KIF6: variants seen among roughly 807,000 people sequenced by gnomAD.
The protein encoded by KIF6 is kinesin-like protein KIF6.
In KIF6, 106 loss-of-function variants were observed where a neutral mutation model predicts 112.7. The observed-to-expected ratio is 0.94, with a 90% CI of 0.80 to 1.11. The LOEUF (loss-of-function observed/expected upper bound fraction) is 1.11, where lower values mean the gene tolerates loss of function less well. Ranked by LOEUF, KIF6 falls within the 50% of genes least tolerant of loss-of-function variation. The pLI is 0.00. For synonymous variants in KIF6, 339 were observed against 339.9 expected, an observed-to-expected ratio of 1.00 and a Z score of 0.03; for missense variants, 929 against 964.0, an observed-to-expected ratio of 0.96 and a Z score of 0.48.
chr6:39,666,352 G>A (rs1473121812), intron 3 of KIF6, among the ~76,000 whole-genome samples: 1 of 152,088 alleles, frequency 6.6e-6, no homozygotes, highest in Non-Finnish European at 1.5e-5. Flanking sequence ...ACATAAACAA[G>A]CATATCAGTT....
chr6:39,435,108 C>T (rs1771432866), intron 13 of KIF6, among the ~76,000 whole-genome samples: 1 of 152,116 alleles, frequency 6.6e-6, no homozygotes, highest in Non-Finnish European at 1.5e-5. Context: ...GTCATTGCGG[C>T]TCTTAGATCA....
chr6:39,442,639 T>C (rs1233360015), intron 13 of KIF6, among the ~76,000 whole-genome samples: 1 of 152,180 alleles, frequency 6.6e-6, no homozygotes, highest in African/African-American at 2.4e-5. Context: ...TATTGAGTCT[T>C]TTCTATTGAT....
chr6:39,590,409 A>G (rs1391741133), intron 7 of KIF6, among the ~76,000 whole-genome samples: 2 of 128,386 alleles, frequency 1.6e-5, no homozygotes, highest in Admixed American at 9.0e-5. Context: ...ATATATATAT[A>G]TGTGTGTGTA....
At chr6:39,705,250 G>A (rs1016803494) in intron 3 of KIF6, among the ~76,000 whole-genome samples, 1 of 152,170 alleles carries the variant, frequency 6.6e-6, no homozygotes, top group African/African-American at 2.4e-5. Context: ...TCTGGGTGAG[G>A]CCTGAGAATG....
At chr6:39,696,242 C>T (rs1014655123) in intron 3 of KIF6, among the ~76,000 whole-genome samples, 1 of 152,114 alleles carries the variant, frequency 6.6e-6, no homozygotes, top group Non-Finnish European at 1.5e-5. Flanking sequence ...ACCTCAGAAC[C>T]ACGTAATATA....
chr6:39,718,540 T>A (rs1309202519), intron 2 of KIF6: 1 of 148,778 alleles, frequency 6.7e-6, no homozygotes, highest in East Asian at 2.0e-4. Context: ...AGCCCAGGAG[T>A]TCAAGACCAG....
At chr6:39,435,383 T>A (rs997283465) in intron 13 of KIF6, among the ~76,000 whole-genome samples, 67 of 152,180 alleles carry the variant, frequency 4.4e-4, no homozygotes, top group African/African-American at 1.3e-3. Context: ...TTTAAAAAAA[T>A]TTTTTTATTT....
At chr6:39,338,944 A>AGGGG (rs1554195424) in intron 22 of KIF6, among the ~76,000 whole-genome samples, 1 of 4,796 alleles carries the variant, frequency 2.1e-4, no homozygotes, top group African/African-American at 1.1e-3. Context: ...CAGTAATGAC[A>AGGGG]GGGGGTGGGT....
chr6:39,413,321 T>C (rs1378739475), intron 15 of KIF6, among the ~76,000 whole-genome samples: 1 of 152,172 alleles, frequency 6.6e-6, no homozygotes, highest in Non-Finnish European at 1.5e-5. Context: ...CATAGATAAA[T>C]TTCTGTAAGG....
chr6:39,579,537 T>C (rs534673581), intron 9 of KIF6, among the ~76,000 whole-genome samples: 3 of 152,274 alleles, frequency 2.0e-5, no homozygotes, highest in East Asian at 1.9e-4. Context: ...TTTTTCACTT[T>C]GCAGTGTTCT....
intron 13 of KIF6, among the ~76,000 whole-genome samples, chr6:39,457,652 G>T (rs1035270316): frequency 2.2e-4 from 34 of 151,864 alleles, no homozygotes; most frequent in South Asian, 8.3e-4. Context: ...AAAGAGAGAA[G>T]AATCAAATAG....
intron 13 of KIF6, among the ~76,000 whole-genome samples, chr6:39,503,284 T>C (rs1210966882): frequency 6.6e-6 from 1 of 152,172 alleles, no homozygotes; most frequent in Non-Finnish European, 1.5e-5. Flanking sequence ...AGAAGTTCTT[T>C]GAAACTAATG....
At chr6:39,376,011 C>T (rs994171332) in intron 16 of KIF6, among the ~76,000 whole-genome samples, 2 of 152,158 alleles carry the variant, frequency 1.3e-5, no homozygotes, top group Admixed American at 1.3e-4. Context: ...GTGCAGGCTC[C>T]TCCTCACTCC....
chr6:39,555,357 A>G (rs570707270), intron 10 of KIF6, among the ~76,000 whole-genome samples: 2 of 152,024 alleles, frequency 1.3e-5, no homozygotes, highest in South Asian at 4.2e-4. Flanking sequence ...ATGGCAGGGG[A>G]ACTGGATGCT....
At chr6:39,706,803 A>G (rs1789238006) in intron 3 of KIF6, among the ~76,000 whole-genome samples, 3 of 152,326 alleles carry the variant, frequency 2.0e-5, no homozygotes, top group South Asian at 2.1e-4. Context: ...ACAAAATGTC[A>G]CTGGTGTTTT....
intron 2 of KIF6, among the ~76,000 whole-genome samples, chr6:39,719,297 C>A (rs757103852): frequency 1.3e-5 from 2 of 149,026 alleles, no homozygotes; most frequent in African/African-American, 5.0e-5. Context: ...CCAGCCTGGG[C>A]GACAGAGCAA....
At chr6:39,356,840 G>T (rs1299915121) in intron 19 of KIF6, among the ~76,000 whole-genome samples, 3 of 152,174 alleles carry the variant, frequency 2.0e-5, no homozygotes, top group African/African-American at 7.2e-5. Context: ...CCATCCTCAT[G>T]TGGTGTTTTT....
At chr6:39,461,824 G>T (rs1349290191) in intron 13 of KIF6, among the ~76,000 whole-genome samples, 1 of 152,134 alleles carries the variant, frequency 6.6e-6, no homozygotes, top group African/African-American at 2.4e-5. Context: ...ACCAGTCAAT[G>T]AAGTGTTTAT....
chr6:39,343,524 G>A lies in KIF6; in HGVS notation c.2428+185C>T, dbSNP rs1763465064. 6.2e-6 allele frequency: 9 copies of A among 1,447,992 alleles called. No homozygotes were observed. Among genetic ancestry groups the A allele is most frequent in the Non-Finnish European group, 6.5e-6 (7 of 1,078,666 alleles). 89.7% of individuals were successfully genotyped at this position (1,447,992 alleles called of 1,614,324 possible). A position where few individuals can be genotyped will look rare whatever the true frequency, so the allele number is the denominator to read the frequency against. On this transcript the variant is annotated intron_variant, in intron 22 of 22. Coordinates refer to ENST00000287152, the MANE Select transcript of KIF6 (RefSeq NM_145027.6). This position sits in a 1 kb window ranked among gnomAD's most constrained non-coding sequence, Gnocchi z 4.1. Reference sequence around the variant, plus strand: ...TTGGGCCTGTCTTGGTGTTTCTGATGCTGCCCCTTGAGGCTTTCTCGAGAA... The same window carrying A: ...TTGGGCCTGTCTTGGTGTTTCTGATACTGCCCCTTGAGGCTTTCTCGAGAA...
Sources: allele counts gnomAD v4.1 joint callset (sites outside exome capture counted in the v4.1 genomes callset), GRCh38; gene constraint gnomAD v4.1.1; non-coding constraint Gnocchi (gnomAD v3.1); transcripts MANE v1.5; gene names NCBI Gene and HGNC (gene_info 2026-07-23, HGNC 2026-07-21).